NEK6: variants seen among roughly 807,000 people sequenced by gnomAD.
NEK6 encodes NIMA related kinase 6.
NEK6 carries 27 observed loss-of-function variants against 43.5 expected under a neutral mutation model. The ratio of observed to expected loss-of-function variants is 0.62; its 90% CI spans 0.46 to 0.86. The LOEUF (loss-of-function observed/expected upper bound fraction) is 0.86. Ranked by LOEUF, NEK6 falls within the 40% of genes least tolerant of loss-of-function variation. The pLI is 0.00. For synonymous variants in NEK6, 167 were observed against 164.1 expected (o/e 1.02, Z -0.14); for missense variants, 318 against 414.4 (o/e 0.77, Z 2.02).
intron 1 of NEK6, chr9:124,300,173 G>A (rs1315776971): frequency 6.6e-6 from 1 of 152,190 alleles, no homozygotes; most frequent in Non-Finnish European, 1.5e-5. Context: ...TTAGGGTTTG[G>A]TGGACATCCT....
intron 1 of NEK6, among the ~76,000 whole-genome samples, chr9:124,263,201 T>A (rs1831101489): frequency 6.6e-6 from 1 of 152,218 alleles, no homozygotes; most frequent in South Asian, 2.1e-4. Context: ...GGGCTCCCAA[T>A]CCAGAGAGCT....
chr9:124,263,634 G>T (rs1831118397), intron 1 of NEK6, among the ~76,000 whole-genome samples: 1 of 152,196 alleles, frequency 6.6e-6, no homozygotes, highest in Admixed American at 6.5e-5. Context: ...CGGGACCCTT[G>T]GTCCGTGGCC....
chr9:124,273,786 G>A (rs1831542984), intron 1 of NEK6, among the ~76,000 whole-genome samples: 1 of 152,202 alleles, frequency 6.6e-6, no homozygotes, highest in South Asian at 2.1e-4. Context: ...TAATCTTCAG[G>A]GTTTTCTTCC....
In NEK6 at chr9:124,257,966, G is replaced by T; in HGVS notation, c.-149G>T. The T allele has an allele frequency of 1.0e-6, 1 of 978,946 alleles. No homozygotes were observed. 60.6% of individuals were successfully genotyped at this position (978,946 alleles called of 1,614,324 possible). On this transcript the variant is annotated 5_prime_UTR_variant, in exon 1 of 10. Coordinates refer to ENST00000320246, the MANE Select transcript of NEK6 (RefSeq NM_014397.6). Reference sequence around the variant, plus strand: ...CCGCGCAGGCGGTGGCGGCGGCGGCGGAACCGAGCTGACGGGCGTGCGGCC... The same window carrying T: ...CCGCGCAGGCGGTGGCGGCGGCGGCTGAACCGAGCTGACGGGCGTGCGGCC...
chr9:124,349,495 G>A (rs1830136062), intron 9 of NEK6, among the ~76,000 whole-genome samples: 1 of 152,194 alleles, frequency 6.6e-6, no homozygotes, highest in African/African-American at 2.4e-5. Context: ...CCGGAGCACT[G>A]GCTCTCGCCG....
intron 1 of NEK6, among the ~76,000 whole-genome samples, chr9:124,272,890 A>G (rs1379736143): frequency 6.6e-6 from 1 of 152,124 alleles, no homozygotes; most frequent in Non-Finnish European, 1.5e-5. Context: ...TGGCTTCCAG[A>G]CCACACTATC....
At chr9:124,313,588 G>C (rs549458987) in intron 3 of NEK6, among the ~76,000 whole-genome samples, 2 of 152,054 alleles carry the variant, frequency 1.3e-5, no homozygotes, top group African/African-American at 4.8e-5. Flanking sequence ...GGCTGGTCTC[G>C]AACTCCTGAC....
intron 1 of NEK6, among the ~76,000 whole-genome samples, chr9:124,273,684 G>A (rs1417444904): frequency 3.3e-5 from 5 of 152,218 alleles, no homozygotes; most frequent in Non-Finnish European, 7.3e-5. Flanking sequence ...TGGTGAGCTG[G>A]CATTTAGGCC....
At chr9:124,313,800 G>T (rs1400566431) in intron 3 of NEK6, 123 bp from the exon 4 acceptor site, 8 of 888,696 alleles carry the variant, frequency 9.0e-6, no homozygotes, top group African/African-American at 5.0e-5. Context: ...TGCAGGGGGG[G>T]GTCACAGAGT....
intron 8 of NEK6, among the ~76,000 whole-genome samples, chr9:124,342,458 G>A (rs902777780): frequency 7.2e-5 from 11 of 152,260 alleles, no homozygotes; most frequent in African/African-American, 2.7e-4. Flanking sequence ...GGCCTCAGGT[G>A]TCCCATATGT....
intron 7 of NEK6, among the ~76,000 whole-genome samples, chr9:124,334,695 G>A (rs1829199438): frequency 6.6e-6 from 1 of 152,232 alleles, no homozygotes; most frequent in Non-Finnish European, 1.5e-5. Context: ...GAGCCCGCAA[G>A]GTGGCAAAGG....
intron 1 of NEK6, among the ~76,000 whole-genome samples, chr9:124,290,748 C>G (rs7018551): frequency 1.3e-5 from 2 of 152,232 alleles, no homozygotes; most frequent in African/African-American, 4.8e-5. Context: ...GGGAATCCCC[C>G]TCCCCTTTAG....
chr9:124,294,907 A>G (rs1420750498), intron 1 of NEK6, among the ~76,000 whole-genome samples: 1 of 152,228 alleles, frequency 6.6e-6, no homozygotes, highest in Non-Finnish European at 1.5e-5. Context: ...GGACAAGGCC[A>G]GCACAGAGTG....
intron 1 of NEK6, among the ~76,000 whole-genome samples, chr9:124,288,627 A>G (rs1052516712): frequency 6.6e-6 from 1 of 152,072 alleles, no homozygotes; most frequent in African/African-American, 2.4e-5. Context: ...CCGGGCCCTG[A>G]TAATCCTGGG....
intron 1 of NEK6, among the ~76,000 whole-genome samples, chr9:124,289,530 G>A (rs926114431): frequency 3.3e-5 from 5 of 152,094 alleles, no homozygotes; most frequent in Admixed American, 6.6e-5. Context: ...GGGGAGCCCA[G>A]GAGGCATCCA....
intron 1 of NEK6, among the ~76,000 whole-genome samples, chr9:124,286,071 C>T (rs1832144864): frequency 6.6e-6 from 1 of 152,050 alleles, no homozygotes; most frequent in Admixed American, 6.6e-5. Context: ...AACGGTTCCC[C>T]CCTCCCTGCC....
In NEK6 at chr9:124,308,787, T is replaced by C. The variant is rs1486755692; in HGVS notation, c.91-3722T>C. Among the ~76,000 whole-genome samples, 3 of 151,970 alleles carry C rather than the reference T, an allele frequency of 2.0e-5. No homozygotes were observed. The East Asian group carries it at 5.8e-4, about 30-fold the overall frequency. On this transcript the variant is annotated intron_variant, in intron 2 of 9. Transcript: ENST00000320246. ...CCAGCCCCACGCCCGTCTTGCAGTT[T>C]AGAGCCACACCAGACACTAATCACC...
chr9:124,302,820 C>T (rs1186720266), intron 2 of NEK6, among the ~76,000 whole-genome samples: 2 of 152,262 alleles, frequency 1.3e-5, no homozygotes, highest in Non-Finnish European at 2.9e-5. Flanking sequence ...GGCACTAGTT[C>T]CTGGGTCTGC....
In NEK6 at chr9:124,301,921, T is replaced by C. The variant is rs762422265; in HGVS notation, c.-29-15T>C. 8 of 1,554,684 alleles carry C rather than the reference T, an allele frequency of 5.1e-6. No homozygotes were observed. Among genetic ancestry groups the C allele is most frequent in the Non-Finnish European group, 6.1e-6 (7 of 1,146,474 alleles). On this transcript the variant is annotated splice_polypyrimidine_tract_variant and intron_variant, in intron 1 of 9. Transcript: ENST00000320246. ...CTCAAAGAGAAAGTGAACAGGCCGC[T>C]GTTTTCTGTTGCAGTTCGTGCCCTC...
Sources: gnomAD v4.1 joint callset for allele counts (sites outside exome capture counted in the v4.1 genomes callset) on GRCh38, gnomAD v4.1.1 for gene constraint, MANE v1.5 for transcripts, NCBI Gene and HGNC (gene_info 2026-07-23, HGNC 2026-07-21) for gene names.